DPP10: variants seen among roughly 807,000 people sequenced by gnomAD.
DPP10 encodes the protein dipeptidyl peptidase like 10.
DPP10 carries 33 observed loss-of-function variants against 120.9 expected under a neutral mutation model. The observed-to-expected ratio is 0.27, with a 90% CI of 0.21 to 0.37. DPP10 has a LOEUF of 0.37. DPP10 is among the 10% of genes least tolerant of loss of function. DPP10 has a pLI of 1.00. For missense variants in DPP10, 816 were observed against 942.8 expected (o/e 0.87, Z 1.76); for synonymous variants, 337 against 326.1 (o/e 1.03, Z -0.36).
intron 4 of DPP10, among the ~76,000 whole-genome samples, chr2:115,523,824 G>A (rs2077969382): frequency 6.6e-6 from 1 of 152,092 alleles, no homozygotes. Context: ...CTAACAACTT[G>A]CAGACCACAT....
At chr2:114,652,422 T>C (rs1173985253) in intron 1 of DPP10, among the ~76,000 whole-genome samples, 1 of 152,160 alleles carries the variant, frequency 6.6e-6, no homozygotes, top group African/African-American at 2.4e-5. Flanking sequence ...GAGAAGTAAA[T>C]TTCCATGGGA....
chr2:115,754,967 A>C (rs965311309), intron 11 of DPP10, among the ~76,000 whole-genome samples: 6 of 152,086 alleles, frequency 3.9e-5, no homozygotes, highest in Non-Finnish European at 8.8e-5. Context: ...GTAAAAGTTA[A>C]GTACAGTGAA....
At chr2:114,524,957 A>G (rs552882572) in intron 1 of DPP10, among the ~76,000 whole-genome samples, 1 of 152,226 alleles carries the variant, frequency 6.6e-6, no homozygotes, top group Non-Finnish European at 1.5e-5. Flanking sequence ...GCTTCCAATC[A>G]TTGGTCATTG....
At chr2:115,436,106 G>T (rs972778435) in intron 3 of DPP10, among the ~76,000 whole-genome samples, 8 of 151,670 alleles carry the variant, frequency 5.3e-5, no homozygotes, top group Admixed American at 2.0e-4. Flanking sequence ...AGGTCAAAAG[G>T]GTGAAAAATG....
intron 1 of DPP10, among the ~76,000 whole-genome samples, chr2:114,914,437 A>G (rs1401259106): frequency 6.6e-6 from 1 of 152,162 alleles, no homozygotes; most frequent in Non-Finnish European, 1.5e-5. Flanking sequence ...CCAAACAAGA[A>G]TTTTTTTATT....
intron 1 of DPP10, among the ~76,000 whole-genome samples, chr2:114,503,299 T>G (rs776439665): frequency 1.3e-5 from 2 of 152,204 alleles, no homozygotes; most frequent in Non-Finnish European, 2.9e-5. Flanking sequence ...TATAGGGAGA[T>G]GTTCACCTTA....
chr2:115,443,276 C>G (rs1440824170), intron 3 of DPP10, among the ~76,000 whole-genome samples: 3 of 152,108 alleles, frequency 2.0e-5, no homozygotes, highest in South Asian at 2.1e-4. Context: ...TCAAAAGTAG[C>G]AAATACCCTC....
intron 1 of DPP10, among the ~76,000 whole-genome samples, chr2:115,294,410 G>T (rs1046041469): frequency 6.6e-6 from 1 of 151,952 alleles, no homozygotes; most frequent in Non-Finnish European, 1.5e-5. Context: ...TACACAAGTA[G>T]GTAAATTTTT....
At chr2:115,709,609 G>A (rs534473094) in intron 7 of DPP10, among the ~76,000 whole-genome samples, 9 of 94,036 alleles carry the variant, frequency 9.6e-5, no homozygotes, top group South Asian at 9.9e-4. Flanking sequence ...GTAGAATTTC[G>A]AAACAGTATT....
chr2:114,445,534 CTGTGTGTGTGTGTGTGTG>C lies in DPP10; in HGVS notation c.60+2726_60+2743del, dbSNP rs145248880. Among the ~76,000 whole-genome samples the C allele has an allele frequency of 2.5e-4, 36 of 143,624 alleles. 2 individuals are homozygous for C. The Middle Eastern group carries it at 0.011, about 42-fold the overall frequency. 94.2% of individuals were successfully genotyped at this position (143,624 alleles called of 152,430 possible). On this transcript the variant is annotated intron_variant, in intron 1 of 25. Transcript: ENST00000410059. ...GTGTGCAGGAGGAGGAAAAACAGCT[CTGTGTGTGTGTGTGTGTG>C]TGTGTGTGTGTGTGTGTGTGTGTGT...
intron 7 of DPP10, among the ~76,000 whole-genome samples, chr2:115,703,179 C>G (rs1187347844): frequency 1.3e-5 from 2 of 151,748 alleles, no homozygotes; most frequent in Non-Finnish European, 2.9e-5. Context: ...GATTATTTTC[C>G]ATTCTTTTCC....
chr2:115,040,856 C>T (rs1316481554), intron 1 of DPP10, among the ~76,000 whole-genome samples: 1 of 152,116 alleles, frequency 6.6e-6, no homozygotes, highest in Non-Finnish European at 1.5e-5. Flanking sequence ...TGGTGTTTCA[C>T]CCCTGTAATC....
intron 1 of DPP10, among the ~76,000 whole-genome samples, chr2:115,172,129 T>C (rs1345608331): frequency 3.3e-5 from 5 of 152,148 alleles, no homozygotes; most frequent in African/African-American, 4.8e-5. Flanking sequence ...GGAGAGATGC[T>C]CTTAACAACT....
intron 10 of DPP10, 150 bp from the exon 11 acceptor site, chr2:115,753,024 T>C: frequency 1.9e-6 from 1 of 533,512 alleles, no homozygotes; most frequent in South Asian, 5.1e-5. Flanking sequence ...CAGATATCTA[T>C]TTATCTATCT....
At chr2:115,095,328 G>T (rs1709624176) in intron 1 of DPP10, among the ~76,000 whole-genome samples, 1 of 152,138 alleles carries the variant, frequency 6.6e-6, no homozygotes, top group Non-Finnish European at 1.5e-5. Context: ...GATAGATTTA[G>T]ATAGAAGATC....
At chr2:115,114,192 A>T (rs12995783) in intron 1 of DPP10, among the ~76,000 whole-genome samples, 7,017 of 152,250 alleles carry the variant, frequency 0.046, 230 homozygotes, top group Non-Finnish European at 0.074. Context: ...CCTTTTTTAT[A>T]AAACCTCTAG....
intron 2 of DPP10, among the ~76,000 whole-genome samples, chr2:115,340,772 T>C (rs2106241502): frequency 6.6e-6 from 1 of 151,760 alleles, no homozygotes; most frequent in East Asian, 1.9e-4. Context: ...TATAATACAG[T>C]TAATTTTTTA....
intron 3 of DPP10, among the ~76,000 whole-genome samples, chr2:115,459,621 C>G (rs2073859008): frequency 6.6e-6 from 1 of 151,910 alleles, no homozygotes; most frequent in Non-Finnish European, 1.5e-5. Flanking sequence ...ACCACCAGCT[C>G]TCTCCTTAAC....
intron 1 of DPP10, among the ~76,000 whole-genome samples, chr2:115,070,231 A>G (rs1299866463): frequency 6.6e-6 from 1 of 152,160 alleles, no homozygotes; most frequent in East Asian, 1.9e-4. Context: ...TCAGCTATGC[A>G]AATGCTAGCC....
Sources: gnomAD v4.1 joint callset for allele counts (sites outside exome capture counted in the v4.1 genomes callset) on GRCh38, gnomAD v4.1.1 for gene constraint, MANE v1.5 for transcripts, NCBI Gene and HGNC (gene_info 2026-07-23, HGNC 2026-07-21) for gene names.